The following GABRA3 variants were observed in gnomAD, a reference collection of about 807,000 sequenced individuals.
GABRA3 encodes gamma-aminobutyric acid receptor subunit alpha-3.
GABRA3 carries 10 observed loss-of-function variants against 30.1 expected under a neutral mutation model. That is an observed-to-expected ratio of 0.33 (90% CI 0.20 to 0.56). GABRA3 has a LOEUF of 0.56. GABRA3 is among the 20% of genes least tolerant of loss of function. The pLI is 0.89. For synonymous variants in GABRA3, 151 were observed against 146.8 expected, an observed-to-expected ratio of 1.03 and a Z score of -0.21; for missense variants, 233 against 392.0, an observed-to-expected ratio of 0.59 and a Z score of 3.42.
At chrX:152,385,058 T>C (rs1929261660) in intron 1 of GABRA3, among the ~76,000 whole-genome samples, 1 of 111,275 alleles carries the variant, frequency 9.0e-6, no homozygotes, top group Non-Finnish European at 1.9e-5. Flanking sequence ...AATTAGAAAA[T>C]AAGCTCTCAC....
chrX:152,244,351 T>TAAGTGATAGGGCATTAGAG (rs1938428412), intron 5 of GABRA3, among the ~76,000 whole-genome samples: 1 of 112,094 alleles, frequency 8.9e-6, no homozygotes, highest in Non-Finnish European at 1.9e-5. Flanking sequence ...GTGATAGTAT[T>TAAGTGATAGGGCATTAGAG]AAGTGATAGG....
intron 3 of GABRA3, among the ~76,000 whole-genome samples, chrX:152,311,283 A>G (rs916910034): frequency 8.9e-6 from 1 of 111,752 alleles, no homozygotes; most frequent in Non-Finnish European, 1.9e-5. Context: ...AATATCCCTG[A>G]TAAACATAGA....
At chrX:152,198,377 G>A (rs909095402) in intron 7 of GABRA3, among the ~76,000 whole-genome samples, 6 of 112,411 alleles carry the variant, frequency 5.3e-5, no homozygotes, top group African/African-American at 9.7e-5. Flanking sequence ...ACTGACCTAC[G>A]TTATCCCACT....
At position 152,377,633 on chromosome X, in the gene GABRA3, C is replaced by T. The variant is rs187333251; in HGVS notation, c.-26-13037G>A. Among the ~76,000 whole-genome samples the T allele has an allele frequency of 4.4e-3, 477 of 109,501 alleles. 1 individual carries two copies. Among genetic ancestry groups the T allele is most frequent in the African/African-American group, 0.015 (463 of 30,149 alleles). On this transcript the variant is annotated intron_variant, in intron 1 of 9. Transcript: ENST00000370314. ...TTAAATAAGAGAGAAAAAAAAACAA[C>T]CTAAGGAAATTTTAAAAAAAAGAAA...
chrX:152,374,787 CTT>C (rs1172454206), intron 1 of GABRA3, among the ~76,000 whole-genome samples: 1 of 111,786 alleles, frequency 8.9e-6, no homozygotes, highest in Non-Finnish European at 1.9e-5. Flanking sequence ...ACATTTAAGT[CTT>C]TTATCCATCT....
chrX:152,207,973 T>C, intron 7 of GABRA3, 28 bp downstream of exon 7: 1 of 1,189,736 alleles, frequency 8.4e-7, no homozygotes, highest in Non-Finnish European at 1.1e-6. Flanking sequence ...GTTACAGAAA[T>C]GTTTGTTAAA....
intron 9 of GABRA3, chrX:152,171,216 T>A (rs1330581344): frequency 8.7e-6 from 1 of 115,513 alleles, no homozygotes; most frequent in African/African-American, 3.2e-5. Context: ...AGCCATCTTA[T>A]AAACTGGCTA....
At chrX:152,347,810 C>T (rs748557368) in intron 2 of GABRA3, among the ~76,000 whole-genome samples, 1 of 110,981 alleles carries the variant, frequency 9.0e-6, no homozygotes, top group African/African-American at 3.3e-5. Flanking sequence ...TAGTTTGTGA[C>T]CAGTCTGGAC....
At chrX:152,259,790 T>A (rs1215393671) in intron 4 of GABRA3, among the ~76,000 whole-genome samples, 1 of 110,783 alleles carries the variant, frequency 9.0e-6, no homozygotes, top group Non-Finnish European at 1.9e-5. Context: ...TAGCTTCAGG[T>A]GAGACTCAGT....
intron 6 of GABRA3, among the ~76,000 whole-genome samples, chrX:152,216,108 G>A (rs982494826): frequency 9.1e-6 from 1 of 110,334 alleles, no homozygotes; most frequent in Non-Finnish European, 1.9e-5. Flanking sequence ...AAGATGAGAA[G>A]AAAGGGGAAC....
At position 152,209,473 on chromosome X, in the gene GABRA3, G is replaced by C. The variant is rs150507735; in HGVS notation, c.635-1329C>G. Among the ~76,000 whole-genome samples the C allele has an allele frequency of 4.0e-3, 446 of 111,365 alleles. 4 individuals are homozygous for C. Among genetic ancestry groups the C allele is most frequent in the African/African-American group, 0.014 (417 of 30,642 alleles). ...TCCTTCAAGTTTTGAGCTGCCTGTT[G>C]TTCAAGCCAGAGGGGAAGAGGGGTT... On this transcript the variant is annotated intron_variant, in intron 6 of 9. Coordinates refer to ENST00000370314, the MANE Select transcript of GABRA3 (RefSeq NM_000808.4).
intron 5 of GABRA3, among the ~76,000 whole-genome samples, chrX:152,247,937 T>C (rs1938485210): frequency 9.0e-6 from 1 of 111,511 alleles, no homozygotes; most frequent in Admixed American, 9.6e-5. Context: ...TGAGTTTTTG[T>C]TGTGGTGGTT....
At chrX:152,241,565 T>A (rs1277293741) in intron 5 of GABRA3, among the ~76,000 whole-genome samples, 2 of 109,209 alleles carry the variant, frequency 1.8e-5, no homozygotes, top group African/African-American at 3.3e-5. Flanking sequence ...TTTGTTTACC[T>A]AAGCAAGCCT....
intron 3 of GABRA3, among the ~76,000 whole-genome samples, chrX:152,308,447 G>A (rs994352550): frequency 3.6e-5 from 4 of 112,154 alleles, no homozygotes; most frequent in African/African-American, 1.3e-4. Context: ...CAGTCCAGCA[G>A]GTACATAAGC....
At chrX:152,428,213 G>A (rs1463045027) in intron 1 of GABRA3, among the ~76,000 whole-genome samples, 1 of 111,651 alleles carries the variant, frequency 9.0e-6, no homozygotes, top group East Asian at 2.8e-4. Flanking sequence ...AACTGGCCCC[G>A]TCCTAACAGT....
intron 9 of GABRA3, among the ~76,000 whole-genome samples, chrX:152,170,754 G>T (rs1439675638): frequency 8.9e-6 from 1 of 112,240 alleles, no homozygotes; most frequent in Admixed American, 9.5e-5. Flanking sequence ...ATGCTCTCTT[G>T]CTTTGTCTGC....
chrX:152,171,173 T>C (rs953024326), intron 9 of GABRA3, among the ~76,000 whole-genome samples: 2 of 111,951 alleles, frequency 1.8e-5, no homozygotes, highest in Non-Finnish European at 3.8e-5. Flanking sequence ...TGCCCTGACT[T>C]TTCTAGAAGC....
intron 4 of GABRA3, among the ~76,000 whole-genome samples, chrX:152,275,558 G>A (rs1371400705): frequency 1.3e-5 from 1 of 76,670 alleles, no homozygotes; most frequent in Non-Finnish European, 2.8e-5. Context: ...AGTTCGAGAT[G>A]AGCCAGCCTG....
At chrX:152,202,319 A>G (rs1176118633) in intron 7 of GABRA3, among the ~76,000 whole-genome samples, 1 of 111,978 alleles carries the variant, frequency 8.9e-6, no homozygotes, top group Admixed American at 9.5e-5. Context: ...TATGGTCACA[A>G]TAAAAACAAT....
Sources: allele counts gnomAD v4.1 joint callset (sites outside exome capture counted in the v4.1 genomes callset), GRCh38; gene constraint gnomAD v4.1.1; transcripts MANE v1.5; gene names NCBI Gene and HGNC (gene_info 2026-07-23, HGNC 2026-07-21).